The following SH2D4A variants were observed in gnomAD, a reference collection of about 807,000 sequenced individuals.
SH2D4A encodes the protein SH2 domain containing 4A.
SH2D4A carries 70 observed loss-of-function variants against 64.7 expected under a neutral mutation model. The observed-to-expected ratio is 1.08, with a 90% CI of 0.89 to 1.32. SH2D4A has a LOEUF of 1.32. SH2D4A is among the 40% of genes most tolerant of loss of function. SH2D4A has a pLI of 0.00. For synonymous variants in SH2D4A, 268 were observed against 200.7 expected (o/e 1.34, Z -2.83); for missense variants, 706 against 540.1 (o/e 1.31, Z -3.04).
chr8:19,393,127 C>T (rs932808567), intron 8 of SH2D4A, among the ~76,000 whole-genome samples, 191 bp from the exon 9 acceptor site: 1 of 152,142 alleles, frequency 6.6e-6, no homozygotes, highest in African/African-American at 2.4e-5. Context: ...CCTCTATAAC[C>T]TGTTCATGTC....
intron 7 of SH2D4A, 99 bp from the exon 8 acceptor site, chr8:19,373,431 T>G: frequency 2.6e-6 from 2 of 778,458 alleles, no homozygotes; most frequent in East Asian, 2.9e-5. Context: ...TGCATGTATA[T>G]GTATGTGTGT....
At chr8:19,356,334 C>T (rs1234493688) in intron 4 of SH2D4A, among the ~76,000 whole-genome samples, 3 of 152,214 alleles carry the variant, frequency 2.0e-5, no homozygotes, top group African/African-American at 7.2e-5. Context: ...TGAATGGTGG[C>T]ACCAACCTTT....
intron 4 of SH2D4A, among the ~76,000 whole-genome samples, chr8:19,345,770 A>T (rs746957109): frequency 6.6e-6 from 1 of 152,218 alleles, no homozygotes; most frequent in South Asian, 2.1e-4. Flanking sequence ...TTGCATTTGG[A>T]TGTGATTTTA....
intron 8 of SH2D4A, among the ~76,000 whole-genome samples, chr8:19,383,444 A>G (rs377318510): frequency 3.3e-5 from 5 of 150,374 alleles, no homozygotes; most frequent in Non-Finnish European, 7.4e-5. Context: ...TTTTGTGCAT[A>G]CGTAAAGTCT....
chr8:19,331,715 T>C (rs1400163813), intron 2 of SH2D4A, among the ~76,000 whole-genome samples: 1 of 152,232 alleles, frequency 6.6e-6, no homozygotes, highest in African/African-American at 2.4e-5. Flanking sequence ...ACTCCTGTTA[T>C]GTGGCAGGCA....
intron 8 of SH2D4A, among the ~76,000 whole-genome samples, chr8:19,388,507 C>CTCACCAATTAT (rs1165356336): frequency 5.9e-5 from 9 of 152,150 alleles, no homozygotes; most frequent in Non-Finnish European, 8.8e-5. Flanking sequence ...TGCAAGTTTT[C>CTCACCAATTAT]TCACCAATTA....
At chr8:19,345,467 T>C (rs2052598614) in intron 4 of SH2D4A, among the ~76,000 whole-genome samples, 1 of 152,226 alleles carries the variant, frequency 6.6e-6, no homozygotes, top group Admixed American at 6.5e-5. Context: ...CTTTTGTATT[T>C]GAGCAGCAGT....
chr8:19,367,885 G>C (rs965005959), intron 7 of SH2D4A, among the ~76,000 whole-genome samples: 1 of 152,100 alleles, frequency 6.6e-6, no homozygotes, highest in Admixed American at 6.6e-5. Flanking sequence ...AGAGAAGCCT[G>C]AGCAACATAG....
chr8:19,333,900 T>C (rs2052401375), intron 3 of SH2D4A, among the ~76,000 whole-genome samples: 1 of 152,158 alleles, frequency 6.6e-6, no homozygotes, highest in African/African-American at 2.4e-5. Flanking sequence ...GGATGGTTCT[T>C]TGGGGAATGA....
At chr8:19,319,279 C>G (rs918168544) in intron 1 of SH2D4A, 65 bp from the exon 2 acceptor site, 21 of 1,094,830 alleles carry the variant, frequency 1.9e-5, no homozygotes, top group Non-Finnish European at 2.3e-5. Flanking sequence ...TTTTTTTAAA[C>G]CCGTCCTAGC....
At chr8:19,373,378 G>T in intron 7 of SH2D4A, 152 bp from the exon 8 acceptor site, 2 of 334,494 alleles carry the variant, frequency 6.0e-6, no homozygotes, top group East Asian at 4.7e-5. Flanking sequence ...ATATTTGCAT[G>T]TATAAAGCAC....
intron 8 of SH2D4A, among the ~76,000 whole-genome samples, chr8:19,385,805 A>T (rs1187961331): frequency 3.3e-5 from 5 of 152,094 alleles, no homozygotes; most frequent in Non-Finnish European, 7.4e-5. Flanking sequence ...ATCTTAGCAG[A>T]CCTGAGTCAC....
intron 6 of SH2D4A, 50 bp from the exon 7 acceptor site, chr8:19,364,022 C>A (rs745367224): frequency 2.5e-6 from 4 of 1,583,730 alleles, no homozygotes; most frequent in Non-Finnish European, 3.5e-6. Context: ...AGCCTTCTCA[C>A]CTGCTCTGTG....
At chr8:19,387,921 A>G (rs140548729) in intron 8 of SH2D4A, among the ~76,000 whole-genome samples, 2 of 152,336 alleles carry the variant, frequency 1.3e-5, no homozygotes, top group African/African-American at 4.8e-5. Flanking sequence ...GTGAGGATGA[A>G]TAACGCTAAT....
intron 4 of SH2D4A, among the ~76,000 whole-genome samples, chr8:19,348,799 G>A (rs1408365142): frequency 2.0e-5 from 3 of 152,158 alleles, no homozygotes; most frequent in African/African-American, 4.8e-5. Flanking sequence ...TGATTTAAGC[G>A]GAGGTGAGTA....
In SH2D4A at chr8:19,373,632, C is replaced by T. The variant is rs1226210387; in HGVS notation, c.1020C>T (p.Thr340=). ...QLPLRAGYQK[T]SDTIAPWFHG... ...CACTTCGAGCGGGCTACCAGAAAAC[C>T]TCAGACACCATAGCCCCCTGGTTCC... is the stretch of plus-strand genomic sequence containing the variant. The change falls in exon 8 of 10, where the codon ACC becomes ACT. Residue 340 remains threonine (T), a synonymous_variant. Coordinates refer to ENST00000265807, the MANE Select transcript of SH2D4A (RefSeq NM_022071.4). 6.2e-7 allele frequency: 1 copy of T among 1,613,150 alleles called. No homozygotes were observed. Among genetic ancestry groups the T allele is most frequent in the Non-Finnish European group, 8.5e-7 (1 of 1,179,570 alleles).
intron 4 of SH2D4A, among the ~76,000 whole-genome samples, chr8:19,343,234 T>A (rs1012607897): frequency 1.3e-5 from 2 of 151,996 alleles, no homozygotes; most frequent in African/African-American, 4.8e-5. Context: ...AGACCAGCCC[T>A]GGCAACATAG....
chr8:19,376,655 C>T (rs1249845140), intron 8 of SH2D4A, among the ~76,000 whole-genome samples: 2 of 151,870 alleles, frequency 1.3e-5, no homozygotes, highest in Admixed American at 6.6e-5. Context: ...AAACAAATCT[C>T]GTCCAAAAAA....
intron 2 of SH2D4A, among the ~76,000 whole-genome samples, chr8:19,326,532 A>C (rs1244899228): frequency 6.6e-6 from 1 of 152,106 alleles, no homozygotes; most frequent in Non-Finnish European, 1.5e-5. Flanking sequence ...ACCTCATAGG[A>C]GGCCCTGGTG....
Sources: gnomAD v4.1 joint callset for allele counts (sites outside exome capture counted in the v4.1 genomes callset) on GRCh38, gnomAD v4.1.1 for gene constraint, MANE v1.5 for transcripts, NCBI Gene and HGNC (gene_info 2026-07-23, HGNC 2026-07-21) for gene names.